Variants in FNIP1 observed in about 807,000 individuals in gnomAD.
FNIP1 encodes folliculin interacting protein 1.
A neutral mutation model predicts 124.5 loss-of-function variants in FNIP1; 40 were observed. That is an observed-to-expected ratio of 0.32 (90% CI 0.25 to 0.42). FNIP1 has a LOEUF of 0.42. Among genes scored for constraint, FNIP1 ranks in the 10% least tolerant of loss-of-function variants. The probability of loss-of-function intolerance (pLI) is 1.00; values close to 1 mark genes in which losing one functional copy is unlikely to be tolerated. For missense variants in FNIP1, 1,176 were observed against 1,403.7 expected (o/e 0.84, Z 2.59); for synonymous variants, 472 against 470.6 (o/e 1.00, Z -0.04).
At chr5:131,750,870 T>C (rs7736106) in intron 1 of FNIP1, among the ~76,000 whole-genome samples, 1 of 152,128 alleles carries the variant, frequency 6.6e-6, no homozygotes, top group Non-Finnish European at 1.5e-5. Flanking sequence ...GGATTACAGG[T>C]AGCACGAGCT....
intron 16 of FNIP1, among the ~76,000 whole-genome samples, chr5:131,648,362 G>A (rs1766952389): frequency 6.6e-6 from 1 of 150,970 alleles, no homozygotes; most frequent in South Asian, 2.1e-4. Context: ...CAATTAACTT[G>A]CTCAATTTAC....
In FNIP1 at chr5:131,718,963, C is replaced by T. The variant is rs891939140; in HGVS notation, c.530+23G>A. 8.2e-6 allele frequency: 13 copies of T among 1,589,668 alleles called. No individual in the cohort carries two copies. The African/African-American group carries it at 1.5e-4, about 18-fold the overall frequency. ...TTGCACATCTAAAGTGATACATTTCCCCCTGTATCCATAAGCACTTACGTA... is the reference window on the plus strand; with the variant it reads ...TTGCACATCTAAAGTGATACATTTCTCCCTGTATCCATAAGCACTTACGTA... On this transcript the variant is annotated intron_variant, in intron 5 of 17. Transcript: ENST00000510461.
chr5:131,745,282 T>C (rs556544085), intron 1 of FNIP1, among the ~76,000 whole-genome samples: 1 of 151,700 alleles, frequency 6.6e-6, no homozygotes, highest in East Asian at 1.9e-4. Context: ...ACTTTGGGAG[T>C]TCAAGGTAGG....
chr5:131,647,371 G>C (rs1331108661), intron 16 of FNIP1, among the ~76,000 whole-genome samples, 166 bp from the exon 17 acceptor site: 3 of 150,334 alleles, frequency 2.0e-5, no homozygotes, highest in Non-Finnish European at 3.0e-5. Context: ...AAAAAGAGAA[G>C]TGAAACTTTT....
At position 131,672,710 on chromosome 5, in the gene FNIP1, T is replaced by C. The variant is rs1304595555; in HGVS notation, c.1734A>G (p.Ile578Met). 4 of 1,613,744 alleles carry C rather than the reference T, an allele frequency of 2.5e-6. No individual in the cohort carries two copies. In the Admixed American group the frequency reaches 5.0e-5, roughly 20 times the overall value. The change falls in exon 14 of 18, where the codon ATA (isoleucine) becomes ATG (methionine). Residue 578 changes from isoleucine (I) to methionine (M), a missense_variant. Physicochemically the swap from Ile to Met is conservative, Grantham distance 10. This residue lies in a region of FNIP1 where 1,109 missense variants were observed against 1,288.5 expected (regional missense o/e 0.86). Coordinates refer to ENST00000510461, the MANE Select transcript of FNIP1 (RefSeq NM_133372.3). Reference protein sequence around the residue: ...VITTTLEKGEIEESEYVLVTM... With the variant: ...VITTTLEKGEMEESEYVLVTM... ...TGACAAGGACATACTCTGATTCTTC[T>C]ATTTCACCTTTCTCTAAAGTGGTAG...
intron 10 of FNIP1, among the ~76,000 whole-genome samples, chr5:131,702,262 G>A (rs1453292560): frequency 1.3e-5 from 2 of 152,066 alleles, no homozygotes; most frequent in South Asian, 2.1e-4. Flanking sequence ...CTACAGCCTC[G>A]ACCTTCTGAG....
intron 1 of FNIP1, among the ~76,000 whole-genome samples, chr5:131,771,505 T>G (rs1456744706): frequency 1.3e-5 from 2 of 152,152 alleles, no homozygotes; most frequent in Non-Finnish European, 2.9e-5. Context: ...AAGGAACATG[T>G]TCCAAAACAG....
rs964568685 is a variant in FNIP1, at chr5:131,642,853, G to A, written c.*1832C>T. 2 of 98,862 alleles carry A rather than the reference G, an allele frequency of 2.0e-5. No individual in the cohort carries two copies. Among genetic ancestry groups the A allele is most frequent in the African/African-American group, 8.1e-5 (2 of 24,830 alleles). 6.1% of individuals were successfully genotyped at this position (98,862 alleles called of 1,614,324 possible). On this transcript the variant is annotated 3_prime_UTR_variant, in exon 18 of 18. Coordinates refer to ENST00000510461, the MANE Select transcript of FNIP1 (RefSeq NM_133372.3). The stretch of plus-strand genomic sequence containing the variant: ...CATTGCACTCCAGCCTGGGTAACAA[G>A]AGTGAAACTCCGTCAAAAAAAAAAA...
chr5:131,715,195 T>C (rs1289343310), intron 6 of FNIP1, among the ~76,000 whole-genome samples: 1 of 152,174 alleles, frequency 6.6e-6, no homozygotes, highest in Admixed American at 6.5e-5. Flanking sequence ...TTAAAATGAA[T>C]TCCTTTTGGC....
chr5:131,708,789 G>GAA (rs763838718), intron 8 of FNIP1, among the ~76,000 whole-genome samples: 18 of 137,960 alleles, frequency 1.3e-4, no homozygotes, highest in South Asian at 2.3e-4. Flanking sequence ...TCCATATTTG[G>GAA]AAAAAAAAAA....
intron 3 of FNIP1, among the ~76,000 whole-genome samples, chr5:131,726,854 T>C (rs1350914090): frequency 1.3e-5 from 2 of 152,182 alleles, no homozygotes; most frequent in African/African-American, 2.4e-5. Flanking sequence ...GAGATTCTGG[T>C]ATGGTGTGTC....
intron 3 of FNIP1, among the ~76,000 whole-genome samples, chr5:131,726,919 T>C (rs1200150933): frequency 6.6e-6 from 1 of 152,202 alleles, no homozygotes; most frequent in Admixed American, 6.5e-5. Flanking sequence ...CAGTAGTCAT[T>C]CCGGAGCAGG....
intron 11 of FNIP1, among the ~76,000 whole-genome samples, chr5:131,681,402 T>C (rs1378042914): frequency 6.6e-6 from 1 of 152,068 alleles, no homozygotes; most frequent in Non-Finnish European, 1.5e-5. Flanking sequence ...GTTTGTTACC[T>C]CATTCTCAAC....
At chr5:131,714,280 C>T (rs183693351) in intron 6 of FNIP1, among the ~76,000 whole-genome samples, 4 of 152,292 alleles carry the variant, frequency 2.6e-5, no homozygotes, top group Admixed American at 2.0e-4. Flanking sequence ...CATTCTACCC[C>T]TCTCTCCTTC....
chr5:131,677,981 G>A, intron 12 of FNIP1, 109 bp from the exon 13 acceptor site: 1 of 1,038,830 alleles, frequency 9.6e-7, no homozygotes, highest in Non-Finnish European at 1.4e-6. Flanking sequence ...GTGGCCAAAT[G>A]GCACCAAAAA....
At chr5:131,715,628 T>TA (rs1289446803) in intron 6 of FNIP1, among the ~76,000 whole-genome samples, 4 of 152,136 alleles carry the variant, frequency 2.6e-5, no homozygotes, top group African/African-American at 7.2e-5. Context: ...ATCAATGAAG[T>TA]AATCAAACGA....
intron 1 of FNIP1, among the ~76,000 whole-genome samples, chr5:131,786,034 C>T (rs1772205448): frequency 6.6e-6 from 1 of 151,934 alleles, no homozygotes; most frequent in African/African-American, 2.4e-5. Context: ...GCCACCCTTG[C>T]AATGTTTAAA....
At chr5:131,694,827 A>T (rs1328900715) in intron 11 of FNIP1, among the ~76,000 whole-genome samples, 2 of 152,128 alleles carry the variant, frequency 1.3e-5, no homozygotes, top group African/African-American at 4.8e-5. Context: ...AACTGACGCC[A>T]GGTGTGGTGG....
At chr5:131,678,860 G>T (rs987980188) in intron 12 of FNIP1, among the ~76,000 whole-genome samples, 169 bp downstream of exon 12, 3 of 151,862 alleles carry the variant, frequency 2.0e-5, no homozygotes, top group Non-Finnish European at 2.9e-5. Flanking sequence ...CATTCATAAG[G>T]TTCTGTAATA....
Sources: gnomAD v4.1 joint callset for allele counts (sites outside exome capture counted in the v4.1 genomes callset) on GRCh38, gnomAD v4.1.1 for gene constraint, gnomAD v4.1.1 regional missense constraint, MANE v1.5 for transcripts, NCBI Gene and HGNC (gene_info 2026-07-23, HGNC 2026-07-21) for gene names.